MOCOS: variants seen among roughly 807,000 people sequenced by gnomAD.
The protein encoded by MOCOS is molybdenum cofactor sulfurase, also known as human molybdenum cofactor sulfurase.
Under a neutral mutation model 83.6 loss-of-function variants are expected in MOCOS, and 86 were observed. The observed-to-expected ratio is 1.03, with a 90% CI of 0.86 to 1.23. MOCOS has a LOEUF of 1.23. Among genes scored for constraint, MOCOS ranks in the 50% most tolerant of loss-of-function variants. The pLI, the probability that MOCOS is intolerant of heterozygous loss-of-function variation, is 0.00. For synonymous variants in MOCOS, 445 were observed against 434.7 expected (o/e 1.02, Z -0.29); for missense variants, 1,120 against 1,126.9 (o/e 0.99, Z 0.09).
chr18:36,235,382 T>C (rs112802930), intron 9 of MOCOS, among the ~76,000 whole-genome samples: 2,366 of 129,454 alleles, frequency 0.018, 77 homozygotes, highest in African/African-American at 0.069. Flanking sequence ...ATATGCGGTG[T>C]TTGGTTTTTT....
intron 9 of MOCOS, among the ~76,000 whole-genome samples, chr18:36,244,753 C>G (rs1378632468): frequency 1.3e-5 from 2 of 152,066 alleles, no homozygotes; most frequent in African/African-American, 4.8e-5. Context: ...TGTCATGTAT[C>G]TCATTTCTTA....
chr18:36,195,437 A>G (rs1374793408), intron 2 of MOCOS, 91 bp downstream of exon 2: 33 of 1,210,614 alleles, frequency 2.7e-5, no homozygotes, highest in Non-Finnish European at 3.3e-5. Flanking sequence ...GGCCAGGAAT[A>G]TTCTGACCAC....
At chr18:36,249,130 A>C in intron 10 of MOCOS, 130 bp downstream of exon 10, 3 of 803,532 alleles carry the variant, frequency 3.7e-6, no homozygotes, top group Non-Finnish European at 6.3e-6. Flanking sequence ...TCTCCCTTGC[A>C]TGCTTCTCTC....
chr18:36,203,009 C>A, intron 4 of MOCOS, 104 bp from the exon 5 acceptor site: 2 of 1,143,540 alleles, frequency 1.7e-6, no homozygotes, highest in Non-Finnish European at 2.7e-6. Flanking sequence ...AGCCAAACCA[C>A]ATCAACAGCT....
At chr18:36,238,539 G>T (rs1378468358) in intron 9 of MOCOS, among the ~76,000 whole-genome samples, 2 of 147,978 alleles carry the variant, frequency 1.4e-5, no homozygotes, top group Non-Finnish European at 3.0e-5. Flanking sequence ...TTGCTGAGGA[G>T]TGCTTTACTT....
At chr18:36,220,011 C>T (rs1428563275) in intron 8 of MOCOS, 44 bp from the exon 9 acceptor site, 1 of 1,611,906 alleles carries the variant, frequency 6.2e-7, no homozygotes, top group Non-Finnish European at 8.5e-7. Flanking sequence ...TGAAGACCAA[C>T]TTTGGGGAGC....
Position 36,251,216 on chromosome 18 carries a change from C to T in MOCOS, c.2097C>T (p.Gly699=). Residue 699 remains glycine, a synonymous_variant, in exon 11 of 15, where the codon GGC becomes GGT. Coordinates refer to ENST00000261326, the MANE Select transcript of MOCOS (RefSeq NM_017947.4). ...KISSWLSTFF[G]RPCHLIKQSS... is the part of the protein sequence containing the mutation. ...CAAGCTGGTTGTCAACATTTTTTGG[C>T]CGTCCTTGTCATTTGATCAAACAAA... 6.2e-7 allele frequency: 1 copy of T among 1,613,640 alleles called. No individual in the cohort carries two copies. Among genetic ancestry groups the T allele is most frequent in the Non-Finnish European group, 8.5e-7 (1 of 1,179,672 alleles).
At chr18:36,221,728 GT>G (rs10701522) in intron 9 of MOCOS, among the ~76,000 whole-genome samples, 23 of 132,656 alleles carry the variant, frequency 1.7e-4, no homozygotes, top group Admixed American at 2.3e-4. Context: ...ATATCCCATT[GT>G]TTTTTTTTTT....
At chr18:36,246,188 G>A (rs1480202976) in intron 9 of MOCOS, among the ~76,000 whole-genome samples, 1 of 152,162 alleles carries the variant, frequency 6.6e-6, no homozygotes, top group Non-Finnish European at 1.5e-5. Flanking sequence ...TTTTGATGGT[G>A]TTATAGAACC....
intron 9 of MOCOS, among the ~76,000 whole-genome samples, chr18:36,222,978 C>T (rs1014764098): frequency 2.6e-5 from 4 of 152,172 alleles, no homozygotes; most frequent in African/African-American, 9.7e-5. Context: ...CCTTATATAT[C>T]TTTGAGGTTA....
rs1453372395 is a variant in MOCOS at position 36,269,177 on chromosome 18, G to T, written c.*492G>T. Reference sequence around the variant, plus strand: ...ATGATGGTGTGGGTTTATGCTCAGGGGCCCAGAGGGTAACTTGTGACCACA... The same window carrying T: ...ATGATGGTGTGGGTTTATGCTCAGGTGCCCAGAGGGTAACTTGTGACCACA... On this transcript the variant is annotated 3_prime_UTR_variant, in exon 15 of 15. Transcript: ENST00000261326. 1 of 163,908 alleles carries T rather than the reference G, an allele frequency of 6.1e-6. No homozygotes were observed. The highest frequency in any genetic ancestry group is 1.8e-4 in the East Asian group (1 of 5,672). The allele number at this position is 163,908 out of a possible 1,614,324, so 10.2% of individuals were successfully genotyped here. A position where few individuals can be genotyped will look rare whatever the true frequency, so the allele number is the denominator to read the frequency against.
intron 1 of MOCOS, among the ~76,000 whole-genome samples, chr18:36,191,750 GCA>G (rs5824000): frequency 0.65 from 96,401 of 147,650 alleles, 31,316 homozygotes; most frequent in African/African-American, 0.73. Flanking sequence ...AAATACGTGT[GCA>G]CACACACACA....
chr18:36,205,124 A>G lies in MOCOS; in HGVS notation c.1066A>G (p.Thr356Ala). 6.2e-7 allele frequency: 1 copy of G among 1,613,570 alleles called. No homozygotes were observed. The highest frequency in any genetic ancestry group is 1.1e-5 in the South Asian group (1 of 91,048). Residue 356 changes from threonine to alanine, a missense_variant, in exon 6 of 15, where the codon ACC becomes GCC. Transcript: ENST00000261326. ...KQHTFTLAQYTYVALSSLQYP... is the reference protein window; with the variant it reads ...KQHTFTLAQYAYVALSSLQYP... Reference sequence around the variant, plus strand: ...GCACACCTTCACCTTGGCTCAGTATACCTACGTGGCCCTGTCCTCTCTCCA... The same window carrying G: ...GCACACCTTCACCTTGGCTCAGTATGCCTACGTGGCCCTGTCCTCTCTCCA...
At chr18:36,201,759 A>G (rs150468385) in intron 4 of MOCOS, among the ~76,000 whole-genome samples, 5 of 151,612 alleles carry the variant, frequency 3.3e-5, no homozygotes, top group African/African-American at 9.7e-5. Flanking sequence ...AGGCTATTTG[A>G]TGCCTCTTTT....
In MOCOS at chr18:36,194,623, G is replaced by C. The variant is rs116672626; in HGVS notation, c.143-634G>C. Among the ~76,000 whole-genome samples the C allele has an allele frequency of 2.7e-3, 405 of 152,316 alleles. 3 individuals are homozygous for C. The highest frequency in any genetic ancestry group is 9.1e-3 in the African/African-American group (378 of 41,564). On this transcript the variant is annotated intron_variant, in intron 1 of 14. Coordinates refer to ENST00000261326, the MANE Select transcript of MOCOS (RefSeq NM_017947.4). ...AAGCATGAACTGATGTTGCCAAATT[G>C]CTGAGCATAAAGGTGTACCTGTGTA...
intron 5 of MOCOS, 145 bp from the exon 6 acceptor site, chr18:36,204,932 G>T: frequency 1.4e-6 from 1 of 698,472 alleles, no homozygotes; most frequent in Non-Finnish European, 2.3e-6. Flanking sequence ...GGTTGAGGCT[G>T]CAGTGAGCTG....
intron 9 of MOCOS, among the ~76,000 whole-genome samples, chr18:36,227,019 C>T (rs765129725): frequency 1.8e-4 from 26 of 146,418 alleles, no homozygotes; most frequent in Non-Finnish European, 3.4e-4. Flanking sequence ...CCTGAGTAGT[C>T]CTAAGCTAAG....
Position 36,239,333 on chromosome 18 carries a change from G to T in MOCOS, c.1961-9589G>T, listed in dbSNP as rs1397684226. On this transcript the variant is annotated intron_variant, in intron 9 of 14. Coordinates refer to ENST00000261326, the MANE Select transcript of MOCOS (RefSeq NM_017947.4). ...GAGCTCTTTTAGGGCAGGCCTGGTG[G>T]TGACAAAATCTCTCAGCATTTGCTT... Among the ~76,000 whole-genome samples, 3 of 149,386 alleles carry T rather than the reference G, an allele frequency of 2.0e-5. No individual in the cohort carries two copies. The South Asian group carries it at 6.3e-4, about 31-fold the overall frequency.
rs1265659347 is a variant in MOCOS, at chr18:36,270,826, T to G, written c.*2141T>G. 1 of 149,206 alleles carries G rather than the reference T, an allele frequency of 6.7e-6. No individual in the cohort carries two copies. Among genetic ancestry groups the G allele is most frequent in the Non-Finnish European group, 1.5e-5 (1 of 68,094 alleles). 9.2% of individuals were successfully genotyped at this position (149,206 alleles called of 1,614,324 possible). On this transcript the variant is annotated 3_prime_UTR_variant, in exon 15 of 15. Coordinates refer to ENST00000261326, the MANE Select transcript of MOCOS (RefSeq NM_017947.4). ...TTCATGACTGATTTCAGGCTTTTTGTTTTTTTGAGACAGGGTCTCACTCTG... is the reference window on the plus strand; with the variant it reads ...TTCATGACTGATTTCAGGCTTTTTGGTTTTTTGAGACAGGGTCTCACTCTG...
Sources: gnomAD v4.1 joint callset for allele counts (sites outside exome capture counted in the v4.1 genomes callset) on GRCh38, gnomAD v4.1.1 for gene constraint, MANE v1.5 for transcripts, NCBI Gene and HGNC (gene_info 2026-07-23, HGNC 2026-07-21) for gene names.